ZNF362: variants seen among roughly 807,000 people sequenced by gnomAD.
ZNF362 encodes zinc finger protein 362, also known as rotund homolog.
ZNF362 carries 11 observed loss-of-function variants against 42.9 expected under a neutral mutation model. The ratio of observed to expected loss-of-function variants is 0.26; its 90% CI spans 0.16 to 0.42. The LOEUF (loss-of-function observed/expected upper bound fraction) is 0.42, where lower values mean the gene tolerates loss of function less well. ZNF362 is among the 20% of genes least tolerant of loss of function. The pLI is 1.00. For missense variants in ZNF362, 362 were observed against 576.2 expected (o/e 0.63, Z 3.81); for synonymous variants, 255 against 257.3 (o/e 0.99, Z 0.09).
the ZNF362 span, among the ~76,000 whole-genome samples, chr1:33,205,871 G>A: frequency 6.6e-5 from 10 of 151,876 alleles, no homozygotes; most frequent in African/African-American, 1.9e-4. Flanking sequence ...AGCCAAGGTC[G>A]CACCACTGCA....
chr1:33,238,032 A>T, the ZNF362 span, among the ~76,000 whole-genome samples: 3 of 152,174 alleles, frequency 2.0e-5, no homozygotes, highest in African/African-American at 7.2e-5. Context: ...TTTAAAAAAA[A>T]TTGTGACTGG....
upstream of ZNF362, among the ~76,000 whole-genome samples, chr1:33,253,033 CCTTT>C (rs539686005): frequency 9.2e-5 from 14 of 151,544 alleles, no homozygotes; most frequent in South Asian, 2.7e-3. Context: ...AGGAAAGTGC[CCTTT>C]CTATGTGAAG....
chr1:33,246,999 C>G, the ZNF362 span, among the ~76,000 whole-genome samples: 5 of 152,138 alleles, frequency 3.3e-5, no homozygotes, highest in South Asian at 1.0e-3. Flanking sequence ...AGCTGATGTT[C>G]AAGAGGTGCA....
chr1:33,196,814 A>AGTGC, the ZNF362 span, among the ~76,000 whole-genome samples: 1 of 152,218 alleles, frequency 6.6e-6, no homozygotes, highest in Non-Finnish European at 1.5e-5. Flanking sequence ...ACATGTGAGT[A>AGTGC]ATATATTGCA....
chr1:33,134,977 C>T, the ZNF362 span, among the ~76,000 whole-genome samples: 1 of 152,192 alleles, frequency 6.6e-6, no homozygotes, highest in Non-Finnish European at 1.5e-5. Context: ...TATGACCACC[C>T]TCCTTCCCTG....
chr1:33,233,443 G>A, the ZNF362 span, among the ~76,000 whole-genome samples: 1,911 of 148,040 alleles, frequency 0.013, 32 homozygotes, highest in African/African-American at 0.044. Context: ...TCGCTCTGTC[G>A]CCCAGGCTGG....
chr1:33,186,096 T>G, the ZNF362 span, among the ~76,000 whole-genome samples: 1 of 152,188 alleles, frequency 6.6e-6, no homozygotes, highest in African/African-American at 2.4e-5. Context: ...TTCAAATCAA[T>G]ACTTGAGGCA....
chr1:33,244,143 T>C, the ZNF362 span, among the ~76,000 whole-genome samples: 2 of 151,984 alleles, frequency 1.3e-5, no homozygotes, highest in Admixed American at 1.3e-4. This position sits in a 1 kb window ranked among gnomAD's most constrained non-coding sequence, Gnocchi z 4.0. Context: ...GCTTTGTTTT[T>C]GGTTTTTGCT....
chr1:33,205,478 C>A, the ZNF362 span, among the ~76,000 whole-genome samples: 3 of 151,264 alleles, frequency 2.0e-5, no homozygotes, highest in East Asian at 5.8e-4. Context: ...AATAAAGACC[C>A]TATCTCAAAA....
chr1:33,138,965 TA>T, the ZNF362 span, among the ~76,000 whole-genome samples: 3 of 152,192 alleles, frequency 2.0e-5, no homozygotes, highest in African/African-American at 4.8e-5. Context: ...CATATTTGTG[TA>T]AAAGAAAATG....
chr1:33,203,757 T>C, the ZNF362 span, among the ~76,000 whole-genome samples: 1 of 152,210 alleles, frequency 6.6e-6, no homozygotes, highest in East Asian at 1.9e-4. Context: ...GTATTGACCA[T>C]TTTAATGTCT....
At chr1:33,225,972 G>A in the ZNF362 span, among the ~76,000 whole-genome samples, 1 of 152,102 alleles carries the variant, frequency 6.6e-6, no homozygotes, top group Non-Finnish European at 1.5e-5. Flanking sequence ...TGCATCATTA[G>A]GTCATTCCAA....
chr1:33,189,468 T>C, the ZNF362 span, among the ~76,000 whole-genome samples: 2 of 151,480 alleles, frequency 1.3e-5, no homozygotes, highest in Non-Finnish European at 2.9e-5. Flanking sequence ...CAACTTACAA[T>C]GGGAAACTCT....
chr1:33,260,355 C>T (rs1432783991), intron 1 of ZNF362, among the ~76,000 whole-genome samples: 1 of 152,236 alleles, frequency 6.6e-6, no homozygotes, highest in Non-Finnish European at 1.5e-5. Context: ...TTTCATTCTA[C>T]ACCTTGAATT....
the ZNF362 span, among the ~76,000 whole-genome samples, chr1:33,132,393 T>C: frequency 1.3e-5 from 2 of 152,250 alleles, no homozygotes; most frequent in African/African-American, 4.8e-5. Context: ...CATAAGTGAT[T>C]GGACATGGCT....
rs1380124159 is a variant in ZNF362 at position 33,280,728 on chromosome 1, G to C, written c.683+271G>C. Among the ~76,000 whole-genome samples, 1 of 152,190 alleles carries C rather than the reference G, an allele frequency of 6.6e-6. No homozygotes were observed. Among genetic ancestry groups the C allele is most frequent in the Non-Finnish European group, 1.5e-5 (1 of 68,032 alleles). On this transcript the variant is annotated intron_variant, in intron 5 of 8. Coordinates refer to ENST00000539719, the MANE Select transcript of ZNF362 (RefSeq NM_152493.3). This position sits in a 1 kb window ranked among gnomAD's most constrained non-coding sequence, Gnocchi z 5.6. ...CCACAGCCTGGGGTTGTGAGAGTCG[G>C]TTTCCTCCTCCCTTTAAGCAGTGTT...
At chr1:33,209,717 G>A in the ZNF362 span, among the ~76,000 whole-genome samples, 4 of 152,186 alleles carry the variant, frequency 2.6e-5, no homozygotes, top group Admixed American at 6.5e-5. Flanking sequence ...GCATAGAGGT[G>A]TTTATAATAT....
the ZNF362 span, among the ~76,000 whole-genome samples, chr1:33,151,430 A>T: frequency 6.6e-6 from 1 of 152,082 alleles, no homozygotes; most frequent in Non-Finnish European, 1.5e-5. Flanking sequence ...CGAATCATTA[A>T]CACAGGGTCT....
the ZNF362 span, among the ~76,000 whole-genome samples, chr1:33,210,105 C>A: frequency 6.6e-6 from 1 of 152,126 alleles, no homozygotes; most frequent in African/African-American, 2.4e-5. Context: ...TAAATGTGCC[C>A]CAGAGATTCT....
Sources: gnomAD v4.1 joint callset for allele counts (sites outside exome capture counted in the v4.1 genomes callset) on GRCh38, gnomAD v4.1.1 for gene constraint, Gnocchi (gnomAD v3.1) non-coding constraint, MANE v1.5 for transcripts, NCBI Gene and HGNC (gene_info 2026-07-23, HGNC 2026-07-21) for gene names.